VPS13A: variants seen among roughly 807,000 people sequenced by gnomAD.
The protein encoded by VPS13A is vacuolar protein sorting 13 homolog A.
In VPS13A, 264 loss-of-function variants were observed where a neutral mutation model predicts 390.9. The observed-to-expected ratio is 0.68, with a 90% CI of 0.61 to 0.75. VPS13A has a LOEUF of 0.75. VPS13A is among the 30% of genes least tolerant of loss of function. The pLI, the probability that VPS13A is intolerant of heterozygous loss-of-function variation, is 0.00. For missense variants in VPS13A, 3,409 were observed against 3,733.9 expected, an observed-to-expected ratio of 0.91 and a Z score of 2.27; for synonymous variants, 1,231 against 1,227.1, an observed-to-expected ratio of 1.00 and a Z score of -0.07.
chr9:77,374,389 C>A (rs1043705223), intron 67 of VPS13A, among the ~76,000 whole-genome samples: 11 of 152,112 alleles, frequency 7.2e-5, no homozygotes, highest in African/African-American at 2.2e-4. Context: ...CACTGTAATA[C>A]CGCAATAGTC....
intron 33 of VPS13A, 61 bp from the exon 34 acceptor site, chr9:77,302,854 C>T: frequency 6.6e-7 from 1 of 1,523,028 alleles, no homozygotes; most frequent in South Asian, 1.2e-5. Flanking sequence ...TTAAGTTAAT[C>T]TTTTTTTAAC....
At chr9:77,244,944 T>A (rs1382737791) in intron 19 of VPS13A, among the ~76,000 whole-genome samples, 1 of 152,176 alleles carries the variant, frequency 6.6e-6, no homozygotes, top group Non-Finnish European at 1.5e-5. Flanking sequence ...AAGGTGATGG[T>A]CCACTGTGAA....
chr9:77,211,559 G>A (rs1032126975), intron 7 of VPS13A: 3 of 152,106 alleles, frequency 2.0e-5, no homozygotes, highest in Non-Finnish European at 4.4e-5. Context: ...TCCCAAGCCA[G>A]AGCAGGCTCA....
chr9:77,250,249 TTTG>T lies in VPS13A; in HGVS notation c.2170+24_2170+26del. ...GAGTTGGTGAGTATAAAATGCATTATTTGTTGATTGATTTTGTTGAAGTGATTA... is the reference window on the plus strand; with the variant it reads ...GAGTTGGTGAGTATAAAATGCATTATTTGATTGATTTTGTTGAAGTGATTA... On this transcript the variant is annotated intron_variant, in intron 21 of 71. Transcript: ENST00000360280. 6.2e-7 allele frequency: 1 copy of T among 1,611,778 alleles called. No homozygotes were observed. The highest frequency in any genetic ancestry group is 8.5e-7 in the Non-Finnish European group (1 of 1,179,618).
Position 77,417,562 on chromosome 9 carries a change from C to T in VPS13A, c.*1556C>T, listed in dbSNP as rs913051497. The stretch of plus-strand genomic sequence containing the variant: ...CTTTGTTTAAAAAAAAAAAAAAGTG[C>T]TTATTTTCTCTGTCGCTAAGCTCCT... On this transcript the variant is annotated 3_prime_UTR_variant, in exon 72 of 72. Transcript: ENST00000360280. 2 of 151,454 alleles carry T rather than the reference C, an allele frequency of 1.3e-5. No homozygotes were observed. Among genetic ancestry groups the T allele is most frequent in the African/African-American group, 4.8e-5 (2 of 41,312 alleles). The allele number at this position is 151,454 out of a possible 1,614,324, so 9.4% of individuals were successfully genotyped here.
At position 77,357,708 on chromosome 9, in the gene VPS13A, C is replaced by T; in HGVS notation, c.7823C>T (p.Thr2608Ile). The change falls in exon 56 of 72, where the codon ACT (threonine) becomes ATT (isoleucine). Residue 2608 changes from threonine (T) to isoleucine (I), a missense_variant. Thr to Ile is a moderately conservative substitution (Grantham distance 89, BLOSUM62 -1). Transcript: ENST00000360280. ...ATTTTTCAGGTTCGCCTAACCCCTA[C>T]TGGTCATAACATGAAAATTCTGCAG... ...DTNVPVRLTP[T>I]GHNMKILQPH... 5 of 1,613,944 alleles carry T rather than the reference C, an allele frequency of 3.1e-6. No individual in the cohort carries two copies. The South Asian group carries it at 5.5e-5, about 18-fold the overall frequency.
chr9:77,308,387 A>T (rs564524670), intron 35 of VPS13A, among the ~76,000 whole-genome samples: 1 of 151,974 alleles, frequency 6.6e-6, no homozygotes, highest in Admixed American at 6.6e-5. Context: ...AAAATTCCTC[A>T]GTATATATTC....
chr9:77,373,121 A>T (rs989147558), intron 67 of VPS13A, among the ~76,000 whole-genome samples: 3 of 152,102 alleles, frequency 2.0e-5, no homozygotes, highest in Non-Finnish European at 4.4e-5. Context: ...TCTTCACAGA[A>T]TTGGAAAAAA....
intron 23 of VPS13A, among the ~76,000 whole-genome samples, chr9:77,266,865 C>G (rs1287990855): frequency 6.6e-6 from 1 of 151,912 alleles, no homozygotes; most frequent in East Asian, 1.9e-4. Context: ...TGTTCGTTTT[C>G]ATTCTTTTTT....
At chr9:77,355,835 C>T (rs1405001792) in intron 54 of VPS13A, among the ~76,000 whole-genome samples, 1 of 152,186 alleles carries the variant, frequency 6.6e-6, no homozygotes, top group Non-Finnish European at 1.5e-5. Context: ...ATAGATCTGA[C>T]CACTTTTCTA....
intron 71 of VPS13A, among the ~76,000 whole-genome samples, chr9:77,407,947 G>A (rs964357681): frequency 2.6e-5 from 4 of 152,210 alleles, no homozygotes; most frequent in Middle Eastern, 3.4e-3. Flanking sequence ...ACAGGAAAGT[G>A]TAGCCCCACA....
intron 71 of VPS13A, among the ~76,000 whole-genome samples, chr9:77,411,476 A>G (rs1474478939): frequency 6.6e-6 from 1 of 151,944 alleles, no homozygotes. Flanking sequence ...ATCCTGGCTA[A>G]CATGGTGAAA....
chr9:77,368,300 A>G (rs993894373), intron 62 of VPS13A, among the ~76,000 whole-genome samples, 164 bp downstream of exon 62: 2 of 152,222 alleles, frequency 1.3e-5, no homozygotes, highest in Non-Finnish European at 2.9e-5. Flanking sequence ...ATTAAGCTCA[A>G]TCACTATTTG....
intron 38 of VPS13A, 81 bp downstream of exon 38, chr9:77,315,551 C>T (rs1829335633): frequency 7.6e-7 from 1 of 1,309,010 alleles, no homozygotes; most frequent in East Asian, 2.4e-5. Flanking sequence ...CCTTTTAGAT[C>T]ATCAAAGTAA....
intron 17 of VPS13A, among the ~76,000 whole-genome samples, chr9:77,236,533 A>T (rs990611541): frequency 2.6e-5 from 4 of 152,214 alleles, no homozygotes; most frequent in Non-Finnish European, 4.4e-5. Flanking sequence ...TAGTGGGTAG[A>T]ATTGTATCAT....
chr9:77,194,839 GTCT>G (rs1466664817), intron 1 of VPS13A, among the ~76,000 whole-genome samples: 1 of 151,796 alleles, frequency 6.6e-6, no homozygotes, highest in Non-Finnish European at 1.5e-5. Flanking sequence ...GAGTGTGCTG[GTCT>G]TCTTGATGGC....
Position 77,293,364 on chromosome 9 carries a change from A to G in VPS13A, c.3363A>G (p.Glu1121=). ...YKKAVYITGK[E]VFSFKMVSYM... is the part of the protein sequence containing the mutation. ...AGGCTGTTTATATCACTGGAAAAGA[A>G]GTTTTCAGCTTCAAAATGGTTTCTT... The change falls in exon 32 of 72, where the codon GAA becomes GAG. Residue 1121 remains glutamate (E), a synonymous_variant. Coordinates refer to ENST00000360280, the MANE Select transcript of VPS13A (RefSeq NM_033305.3). 6.2e-7 allele frequency: 1 copy of G among 1,613,134 alleles called. No individual in the cohort carries two copies. Among genetic ancestry groups the G allele is most frequent in the Non-Finnish European group, 8.5e-7 (1 of 1,179,538 alleles).
chr9:77,226,487 A>G lies in VPS13A; in HGVS notation c.1246A>G (p.Ile416Val). The change falls in exon 15 of 72, where the codon ATT becomes GTT. Residue 416 changes from isoleucine (I) to valine (V), a missense_variant. Ile to Val is a conservative substitution (Grantham distance 29, BLOSUM62 3). Coordinates refer to ENST00000360280, the MANE Select transcript of VPS13A (RefSeq NM_033305.3). ...TTAGGTAAAGAAAGCTGGATACAAA[A>G]TTTACAAAGAAGGAGTAAAAGATCC... ...EVEVKKAGYK[I>V]YKEGVKDPED... 1 of 1,611,802 alleles carries G rather than the reference A, an allele frequency of 6.2e-7. No individual in the cohort carries two copies. The highest frequency in any genetic ancestry group is 2.2e-5 in the East Asian group (1 of 44,720).
intron 17 of VPS13A, among the ~76,000 whole-genome samples, chr9:77,230,324 A>G (rs554754383): frequency 1.3e-5 from 2 of 151,942 alleles, no homozygotes; most frequent in African/African-American, 4.8e-5. Context: ...ACAAATATAT[A>G]CTCCTATATA....
Sources: allele counts gnomAD v4.1 joint callset (sites outside exome capture counted in the v4.1 genomes callset), GRCh38; gene constraint gnomAD v4.1.1; transcripts MANE v1.5; gene names NCBI Gene and HGNC (gene_info 2026-07-23, HGNC 2026-07-21).